CDYL: variants seen among roughly 807,000 people sequenced by gnomAD.
CDYL encodes chromodomain Y like, also known as chromodomain Y-like protein.
In CDYL, 8 loss-of-function variants were observed where a neutral mutation model predicts 47.3. The ratio of observed to expected loss-of-function variants is 0.17; its 90% CI spans 0.10 to 0.31. CDYL has a LOEUF of 0.31. Among genes scored for constraint, CDYL ranks in the 10% least tolerant of loss-of-function variants. The pLI is 1.00. For missense variants in CDYL, 471 were observed against 701.4 expected (o/e 0.67, Z 3.71); for synonymous variants, 266 against 265.0 (o/e 1.00, Z -0.04).
At chr6:4,779,996 A>G (rs1383406475) in intron 1 of CDYL, among the ~76,000 whole-genome samples, 3 of 152,142 alleles carry the variant, frequency 2.0e-5, no homozygotes, top group Non-Finnish European at 4.4e-5. Flanking sequence ...AATGATTCCT[A>G]ACTTGTAGGT....
At chr6:4,924,433 C>T in intron 2 of CDYL, among the ~76,000 whole-genome samples, 1 of 152,194 alleles carries the variant, frequency 6.6e-6, no homozygotes, top group East Asian at 1.9e-4. Context: ...AGTTATTTAG[C>T]AGTTTCCAGG....
At chr6:4,830,124 G>C (rs992146315) in intron 1 of CDYL, among the ~76,000 whole-genome samples, 1 of 152,222 alleles carries the variant, frequency 6.6e-6, no homozygotes, top group Non-Finnish European at 1.5e-5. Context: ...GTGGTGGAAA[G>C]TCACTGACAA....
chr6:4,912,089 G>T (rs1757430254), intron 2 of CDYL, among the ~76,000 whole-genome samples: 1 of 152,210 alleles, frequency 6.6e-6, no homozygotes, highest in African/African-American at 2.4e-5. Flanking sequence ...ATATGGAGCT[G>T]TAAAATACTC....
chr6:4,735,361 A>G (rs967032560), intron 3 of CDYL, among the ~76,000 whole-genome samples: 4 of 152,190 alleles, frequency 2.6e-5, no homozygotes. Flanking sequence ...AAGGTTATCA[A>G]TTACATTGAA....
At chr6:4,724,339 C>T (rs1460489508) in intron 2 of CDYL, 1 of 152,140 alleles carries the variant, frequency 6.6e-6, no homozygotes, top group Non-Finnish European at 1.5e-5. Context: ...ACGTGAGCCA[C>T]CATGCCGAGC....
intron 2 of CDYL, among the ~76,000 whole-genome samples, chr6:4,900,529 T>G (rs1235630679): frequency 6.6e-6 from 1 of 151,982 alleles, no homozygotes; most frequent in Non-Finnish European, 1.5e-5. Flanking sequence ...AACTTGCTAT[T>G]GTAAACGATA....
At chr6:4,915,278 A>T (rs746282544) in intron 2 of CDYL, among the ~76,000 whole-genome samples, 13 of 152,256 alleles carry the variant, frequency 8.5e-5, no homozygotes, top group Non-Finnish European at 5.9e-5. Context: ...CTTCCAAAAC[A>T]CATTTTACCA....
chr6:4,710,747 T>C (rs80252695), intron 1 of CDYL, among the ~76,000 whole-genome samples: 2,531 of 152,254 alleles, frequency 0.017, 34 homozygotes, highest in Non-Finnish European at 0.023. Context: ...CCTCCCCTAC[T>C]CACATTCTAA....
At chr6:4,930,001 G>T (rs1486147091) in intron 2 of CDYL, among the ~76,000 whole-genome samples, 2 of 152,084 alleles carry the variant, frequency 1.3e-5, no homozygotes, top group Non-Finnish European at 1.5e-5. Flanking sequence ...ATATCAGTTT[G>T]ATCCTTTCAC....
At chr6:4,760,544 G>C (rs116045676) in intron 3 of CDYL, among the ~76,000 whole-genome samples, 1 of 152,090 alleles carries the variant, frequency 6.6e-6, no homozygotes, top group Non-Finnish European at 1.5e-5. Context: ...AGGAATATTC[G>C]TGGAGTTGGT....
At position 4,937,670 on chromosome 6, in the gene CDYL, A is replaced by G. The variant is rs1758239237; in HGVS notation, c.1054A>G (p.Ile352Val). ...GSVFCCGLDF[I>V]YFIRRLTDDR... is the part of the protein sequence containing the mutation. Reference sequence around the variant, plus strand: ...CGTCTTCTGTTGTGGACTTGACTTTATTTATTTTATACGACGTCTGACAGA... The same window carrying G: ...CGTCTTCTGTTGTGGACTTGACTTTGTTTATTTTATACGACGTCTGACAGA... Residue 352 changes from isoleucine to valine, a missense_variant, in exon 4 of 7, where the codon ATT becomes GTT. Coordinates refer to ENST00000397588, the MANE Select transcript of CDYL (RefSeq NM_004824.4). 3 of 1,614,054 alleles carry G rather than the reference A, an allele frequency of 1.9e-6. No homozygotes were observed. Among genetic ancestry groups the G allele is most frequent in the Middle Eastern group, 3.3e-4 (2 of 6,058 alleles).
chr6:4,848,692 A>G (rs1430423729), intron 1 of CDYL, among the ~76,000 whole-genome samples: 1 of 152,260 alleles, frequency 6.6e-6, no homozygotes, highest in Non-Finnish European at 1.5e-5. Flanking sequence ...GGCTATTTAT[A>G]GCTGCCCAAT....
chr6:4,945,898 G>C (rs1758499564), intron 5 of CDYL, among the ~76,000 whole-genome samples: 1 of 152,242 alleles, frequency 6.6e-6, no homozygotes, highest in Non-Finnish European at 1.5e-5. Flanking sequence ...TGGTGGACTA[G>C]ACCTTCCATA....
chr6:4,781,518 G>A (rs1758618593), intron 1 of CDYL, among the ~76,000 whole-genome samples: 1 of 152,120 alleles, frequency 6.6e-6, no homozygotes, highest in African/African-American at 2.4e-5. Context: ...GACAATAATA[G>A]CCTATCTTAA....
intron 2 of CDYL, among the ~76,000 whole-genome samples, chr6:4,899,869 A>G (rs1756967369): frequency 6.6e-6 from 1 of 152,174 alleles, no homozygotes; most frequent in Admixed American, 6.5e-5. Context: ...TCCCGTGACC[A>G]TCTCACTCTG....
At chr6:4,745,160 A>T (rs965109571) in intron 3 of CDYL, among the ~76,000 whole-genome samples, 1 of 152,086 alleles carries the variant, frequency 6.6e-6, no homozygotes, top group Admixed American at 6.5e-5. Flanking sequence ...AGGTCTCACT[A>T]TGTGGCTCAG....
chr6:4,950,804 C>G (rs1362188788), intron 5 of CDYL, among the ~76,000 whole-genome samples: 1 of 151,928 alleles, frequency 6.6e-6, no homozygotes, highest in South Asian at 2.1e-4. Flanking sequence ...TGGTGGCGGG[C>G]GCCTGTAGTC....
At chr6:4,897,887 C>G (rs1423081073) in intron 2 of CDYL, among the ~76,000 whole-genome samples, 1 of 149,980 alleles carries the variant, frequency 6.7e-6, no homozygotes, top group Admixed American at 6.7e-5. Flanking sequence ...AACCCTGTCT[C>G]TACTAAAAAT....
rs193297332 is a variant in CDYL, at chr6:4,932,913, G to A, written c.692-2602G>A. On this transcript the variant is annotated intron_variant, in intron 2 of 6. Coordinates refer to ENST00000397588, the MANE Select transcript of CDYL (RefSeq NM_004824.4). ...TTTTAGTTGTCTTTCATTGTGTCCT[G>A]TGGTCTGGCTTCCACTCTTCACGCC... Among the ~76,000 whole-genome samples the A allele has an allele frequency of 5.3e-5, 8 of 152,262 alleles. No individual in the cohort carries two copies. The East Asian group carries it at 1.5e-3, about 29-fold the overall frequency.
Sources: gnomAD v4.1 joint callset for allele counts (sites outside exome capture counted in the v4.1 genomes callset) on GRCh38, gnomAD v4.1.1 for gene constraint, MANE v1.5 for transcripts, NCBI Gene and HGNC (gene_info 2026-07-23, HGNC 2026-07-21) for gene names.